TLN2: variants seen among roughly 807,000 people sequenced by gnomAD.
The protein encoded by TLN2 is talin 2, also known as talin-2.
A neutral mutation model predicts 294.7 loss-of-function variants in TLN2; 118 were observed. The ratio of observed to expected loss-of-function variants is 0.40; its 90% CI spans 0.34 to 0.47. The LOEUF is 0.47. TLN2 is among the 20% of genes least tolerant of loss of function. The pLI is 0.84. For missense variants in TLN2, 3,083 were observed against 3,282.2 expected, an observed-to-expected ratio of 0.94 and a Z score of 1.48; for synonymous variants, 1,431 against 1,304.5, an observed-to-expected ratio of 1.10 and a Z score of -2.09.
chr15:62,798,674 C>A (rs1348006952), intron 48 of TLN2, among the ~76,000 whole-genome samples: 2 of 152,208 alleles, frequency 1.3e-5, no homozygotes, highest in African/African-American at 4.8e-5. Flanking sequence ...TGGTTAGAAA[C>A]CCCCTGTCAT....
chr15:62,627,522 T>C (rs2049386085), intron 3 of TLN2, among the ~76,000 whole-genome samples: 1 of 152,226 alleles, frequency 6.6e-6, no homozygotes, highest in Non-Finnish European at 1.5e-5. Context: ...AGATTCATCA[T>C]ATACAGAATT....
intron 9 of TLN2, among the ~76,000 whole-genome samples, chr15:62,665,504 C>A (rs181059666): frequency 6.6e-6 from 1 of 152,154 alleles, no homozygotes; most frequent in Non-Finnish European, 1.5e-5. Context: ...CTGCGTGTTA[C>A]GTGAAGAAAT....
At chr15:62,793,528 A>G (rs190211565) in intron 46 of TLN2, among the ~76,000 whole-genome samples, 6 of 152,338 alleles carry the variant, frequency 3.9e-5, no homozygotes, top group Admixed American at 2.6e-4. Context: ...AGTGCCAGAC[A>G]CACAGTTACA....
Position 62,800,666 on chromosome 15 carries a change from A to G in TLN2, c.6374A>G (p.Asn2125Ser), listed in dbSNP as rs751562253. The G allele has an allele frequency of 6.8e-6, 11 of 1,614,144 alleles. No individual in the cohort carries two copies. Among genetic ancestry groups the G allele is most frequent in the Non-Finnish European group, 9.3e-6 (11 of 1,180,002 alleles). ...LKGAAKVMVT[N>S]VTSLLKTVKA... ...CTTCCTATGCAGGTGATGGTGACCA[A>G]TGTCACCTCGCTCCTCAAGACTGTA... is the stretch of plus-strand genomic sequence containing the variant. The change falls in exon 50 of 59, where the codon AAT becomes AGT. Residue 2125 changes from asparagine (N) to serine (S), a missense_variant. Coordinates refer to ENST00000636159, the MANE Select transcript of TLN2 (RefSeq NM_015059.3).
In TLN2 at chr15:62,739,495, G is replaced by A; in HGVS notation, c.3835G>A (p.Asp1279Asn). 1 of 1,614,178 alleles carries A rather than the reference G, an allele frequency of 6.2e-7. No individual in the cohort carries two copies. The highest frequency in any genetic ancestry group is 8.5e-7 in the Non-Finnish European group (1 of 1,180,030). Residue 1279 changes from aspartate to asparagine, a missense_variant, in exon 31 of 59, where the codon GAT becomes AAT. Asp to Asn is a conservative substitution (Grantham distance 23). Transcript: ENST00000636159. ...LAAASGKFSDDFDEFLDAGIE... is the reference protein window; with the variant it reads ...LAAASGKFSDNFDEFLDAGIE... ...TGCAGCCTCTGGAAAGTTCAGTGATGATTTTGATGAATTCCTCGATGCTGG... is the reference window on the plus strand; with the variant it reads ...TGCAGCCTCTGGAAAGTTCAGTGATAATTTTGATGAATTCCTCGATGCTGG...
At chr15:62,795,093 CA>C (rs1188266381) in intron 46 of TLN2, among the ~76,000 whole-genome samples, 1 of 152,140 alleles carries the variant, frequency 6.6e-6, no homozygotes, top group Non-Finnish European at 1.5e-5. Flanking sequence ...AAGAGGAGAG[CA>C]GGGGGAGGTG....
chr15:62,497,351 A>T (rs1670252885), intron 1 of TLN2, among the ~76,000 whole-genome samples: 1 of 152,320 alleles, frequency 6.6e-6, no homozygotes, highest in East Asian at 1.9e-4. Context: ...ACTTGAATCC[A>T]GAAGTTTAAA....
At chr15:62,713,672 CTG>C (rs2059574827) in intron 22 of TLN2, among the ~76,000 whole-genome samples, 3 of 151,706 alleles carry the variant, frequency 2.0e-5, no homozygotes, top group Non-Finnish European at 4.4e-5. Context: ...CTGCAAGACT[CTG>C]TCTCAAAAAA....
At chr15:62,660,787 C>A (rs1202789820) in intron 9 of TLN2, among the ~76,000 whole-genome samples, 1 of 152,108 alleles carries the variant, frequency 6.6e-6, no homozygotes, top group Non-Finnish European at 1.5e-5. Flanking sequence ...AGGGAAGATA[C>A]AAGGGAGATA....
intron 20 of TLN2, 118 bp downstream of exon 20, chr15:62,707,371 C>A: frequency 1.6e-6 from 2 of 1,228,512 alleles, no homozygotes; most frequent in Non-Finnish European, 1.1e-6. Flanking sequence ...TTTAGAGCTT[C>A]CTTAAAGTGT....
intron 57 of TLN2, among the ~76,000 whole-genome samples, chr15:62,837,246 G>T (rs1408523161): frequency 6.6e-6 from 1 of 152,118 alleles, no homozygotes; most frequent in African/African-American, 2.4e-5. Context: ...TTTGATACCT[G>T]GGATAAACCC....
intron 12 of TLN2, among the ~76,000 whole-genome samples, chr15:62,687,246 G>C (rs926440448): frequency 6.6e-6 from 1 of 152,188 alleles, no homozygotes; most frequent in Non-Finnish European, 1.5e-5. Flanking sequence ...GTACACAGTG[G>C]AAATAACGTG....
At chr15:62,480,522 G>T (rs866910953) in intron 1 of TLN2, among the ~76,000 whole-genome samples, 2 of 152,310 alleles carry the variant, frequency 1.3e-5, no homozygotes, top group Middle Eastern at 3.4e-3. Context: ...ACGGTGCCCG[G>T]CCTATATTTC....
Position 62,797,394 on chromosome 15 carries a change from G to C in TLN2, c.6226G>C (p.Glu2076Gln). The C allele has an allele frequency of 6.2e-7, 1 of 1,603,278 alleles. No individual in the cohort carries two copies. The highest frequency in any genetic ancestry group is 8.5e-7 in the Non-Finnish European group (1 of 1,176,606). ...AGCCAGCCTGGGCTCCGACGACCCC[G>C]AGACCCAGGTACCAGCAGGGCCTGG... ...GAASLGSDDP[E>Q]TQVVLINAIK... The change falls in exon 48 of 59, where the codon GAG becomes CAG. Residue 2076 changes from glutamate to glutamine, a missense_variant. Physicochemically the swap from Glu to Gln is conservative, Grantham distance 29. Transcript: ENST00000636159.
chr15:62,493,692 C>T (rs2140414133), intron 1 of TLN2, among the ~76,000 whole-genome samples: 1 of 150,120 alleles, frequency 6.7e-6, no homozygotes, highest in East Asian at 2.1e-4. Context: ...CTCACTGTAG[C>T]TTCCGCCTCC....
chr15:62,784,039 C>A (rs2064424443), intron 45 of TLN2, 149 bp downstream of exon 45: 1 of 1,356,560 alleles, frequency 7.4e-7, no homozygotes, highest in South Asian at 1.4e-5. Flanking sequence ...CAGCACAGGT[C>A]CAGACCAGGT....
intron 1 of TLN2, among the ~76,000 whole-genome samples, chr15:62,543,061 G>C (rs901291835): frequency 6.6e-6 from 1 of 152,138 alleles, no homozygotes; most frequent in African/African-American, 2.4e-5. Flanking sequence ...TTTGCTAGGA[G>C]GAAATGAGTG....
intron 1 of TLN2, among the ~76,000 whole-genome samples, chr15:62,536,214 C>A (rs2041340866): frequency 6.6e-6 from 1 of 152,186 alleles, no homozygotes; most frequent in Non-Finnish European, 1.5e-5. Flanking sequence ...ACCGGGGGAT[C>A]TTTTACAGCT....
chr15:62,773,672 G>T (rs1016159643), intron 42 of TLN2, among the ~76,000 whole-genome samples: 25 of 152,286 alleles, frequency 1.6e-4, no homozygotes, highest in Middle Eastern at 3.4e-3. Context: ...TTGTCAAATA[G>T]TTATGGGTAG....
Sources: gnomAD v4.1 joint callset for allele counts (sites outside exome capture counted in the v4.1 genomes callset) on GRCh38, gnomAD v4.1.1 for gene constraint, MANE v1.5 for transcripts, NCBI Gene and HGNC (gene_info 2026-07-23, HGNC 2026-07-21) for gene names.